SDK1: variants seen among roughly 807,000 people sequenced by gnomAD.
The protein encoded by SDK1 is protein sidekick-1.
SDK1 carries 157 observed loss-of-function variants against 245.5 expected under a neutral mutation model. That is an observed-to-expected ratio of 0.64 (90% CI 0.56 to 0.73). The LOEUF (loss-of-function observed/expected upper bound fraction) is 0.73. SDK1 is among the 30% of genes least tolerant of loss of function. The pLI is 0.00. For synonymous variants in SDK1, 1,647 were observed against 1,278.5 expected, an observed-to-expected ratio of 1.29 and a Z score of -6.15; for missense variants, 3,583 against 3,002.3, an observed-to-expected ratio of 1.19 and a Z score of -4.52.
chr7:3,840,856 G>T (rs761082803), intron 5 of SDK1, among the ~76,000 whole-genome samples: 8 of 152,230 alleles, frequency 5.3e-5, no homozygotes, highest in Admixed American at 1.3e-4. Flanking sequence ...GGACCTCTGG[G>T]AGTGGGGTCC....
intron 1 of SDK1, among the ~76,000 whole-genome samples, chr7:3,341,601 C>G (rs1308778935): frequency 6.6e-6 from 1 of 152,146 alleles, no homozygotes; most frequent in East Asian, 1.9e-4. Context: ...AGGAGTTCAA[C>G]ATAGTTGCTG....
In SDK1 at chr7:3,582,683, T is replaced by TAAAAAAAAAAA. The variant is rs71029682; in HGVS notation, c.299-36381_299-36371dup. ...ATGTAGCCCTGAACCTAAACTAAAG[T>TAAAAAAAAAAA]AAAAAAAAAAAAAAAAAAAAAAAAA... On this transcript the variant is annotated intron_variant, in intron 1 of 44. Coordinates refer to ENST00000404826, the MANE Select transcript of SDK1 (RefSeq NM_152744.4). Among the ~76,000 whole-genome samples the TAAAAAAAAAAA allele has an allele frequency of 5.6e-4, 39 of 69,684 alleles. 1 individual carries two copies. Among genetic ancestry groups the TAAAAAAAAAAA allele is most frequent in the African/African-American group, 2.1e-3 (37 of 17,702 alleles). 45.7% of individuals were successfully genotyped at this position (69,684 alleles called of 152,430 possible).
chr7:3,847,002 C>T (rs1032225369), intron 5 of SDK1, among the ~76,000 whole-genome samples: 2 of 152,116 alleles, frequency 1.3e-5, no homozygotes, highest in African/African-American at 4.8e-5. Context: ...AGTGCCACCC[C>T]AGTGTTCTCA....
intron 44 of SDK1, among the ~76,000 whole-genome samples, chr7:4,248,286 ACG>A (rs1207362110): frequency 6.6e-6 from 1 of 152,070 alleles, no homozygotes; most frequent in East Asian, 1.9e-4. Context: ...ATACACACAC[ACG>A]CACACATATC....
chr7:4,230,031 G>A (rs1470506557), intron 40 of SDK1, among the ~76,000 whole-genome samples: 5 of 117,102 alleles, frequency 4.3e-5, no homozygotes, highest in South Asian at 3.5e-4. Context: ...ATGGAAGGAG[G>A]GGGACCCAGA....
chr7:3,909,858 TACAACAGG>T, intron 5 of SDK1, among the ~76,000 whole-genome samples: 1 of 152,262 alleles, frequency 6.6e-6, no homozygotes, highest in Admixed American at 6.5e-5. Flanking sequence ...AAAAGTTAAA[TACAACAGG>T]ATGGAAATGC....
At chr7:3,322,476 C>T (rs565190332) in intron 1 of SDK1, among the ~76,000 whole-genome samples, 1 of 152,206 alleles carries the variant, frequency 6.6e-6, no homozygotes, top group African/African-American at 2.4e-5. Context: ...GTTTTCTCTT[C>T]TTTTTGGTAT....
intron 5 of SDK1, among the ~76,000 whole-genome samples, chr7:3,924,285 G>A (rs544503253): frequency 5.3e-5 from 8 of 152,248 alleles, no homozygotes; most frequent in Admixed American, 3.9e-4. Context: ...GGATGGCTCA[G>A]TTCATTCAGT....
chr7:3,861,904 A>G (rs528209206), intron 5 of SDK1, among the ~76,000 whole-genome samples: 5 of 152,328 alleles, frequency 3.3e-5, no homozygotes, highest in East Asian at 1.9e-4. Flanking sequence ...GTGGTAAACA[A>G]TGCCAGGAGC....
intron 1 of SDK1, among the ~76,000 whole-genome samples, chr7:3,451,050 G>A (rs896296876): frequency 1.3e-5 from 2 of 152,142 alleles, no homozygotes; most frequent in Non-Finnish European, 2.9e-5. Context: ...GTCATCAGTG[G>A]CTCAGGCAAG....
intron 4 of SDK1, among the ~76,000 whole-genome samples, chr7:3,642,460 T>C (rs1054883768): frequency 6.6e-6 from 1 of 152,200 alleles, no homozygotes; most frequent in Non-Finnish European, 1.5e-5. Context: ...TGAGTGCTGG[T>C]ATTTACTTAC....
At chr7:4,201,880 G>T (rs952228907) in intron 35 of SDK1, among the ~76,000 whole-genome samples, 1 of 152,224 alleles carries the variant, frequency 6.6e-6, no homozygotes, top group Non-Finnish European at 1.5e-5. Flanking sequence ...GCACAGGGTG[G>T]TTCTGGCAAG....
At chr7:3,790,950 C>T (rs1354562600) in intron 4 of SDK1, among the ~76,000 whole-genome samples, 1 of 152,006 alleles carries the variant, frequency 6.6e-6, no homozygotes, top group Non-Finnish European at 1.5e-5. Flanking sequence ...GGTAGCCACC[C>T]TGCTTGGTTT....
At chr7:4,138,952 G>A (rs556603688) in intron 28 of SDK1, among the ~76,000 whole-genome samples, 116 of 152,316 alleles carry the variant, frequency 7.6e-4, no homozygotes, top group Middle Eastern at 6.8e-3. Flanking sequence ...GTGGCTGCCG[G>A]AGCCTGCTAG....
chr7:4,049,009 A>G (rs536541955), intron 17 of SDK1, among the ~76,000 whole-genome samples: 56 of 152,236 alleles, frequency 3.7e-4, no homozygotes, highest in African/African-American at 1.3e-3. Flanking sequence ...CCTTGCCTTG[A>G]TCTCAAATAT....
chr7:4,122,374 A>G (rs1784122452), intron 25 of SDK1, among the ~76,000 whole-genome samples: 1 of 152,076 alleles, frequency 6.6e-6, no homozygotes, highest in South Asian at 2.1e-4. Context: ...TGGTGAGTGG[A>G]CCTGATGGAG....
At chr7:3,939,691 A>G (rs1583592952) in intron 5 of SDK1, among the ~76,000 whole-genome samples, 1 of 152,230 alleles carries the variant, frequency 6.6e-6, no homozygotes, top group East Asian at 1.9e-4. Context: ...GTGTATGTAT[A>G]TCTGAGTCTC....
intron 19 of SDK1, among the ~76,000 whole-genome samples, chr7:4,066,239 G>C (rs977648393): frequency 6.6e-6 from 1 of 152,090 alleles, no homozygotes; most frequent in African/African-American, 2.4e-5. Context: ...CGGGTATCTG[G>C]AGGGGTAGGC....
At chr7:3,380,673 A>C (rs1347744738) in intron 1 of SDK1, among the ~76,000 whole-genome samples, 5 of 152,192 alleles carry the variant, frequency 3.3e-5, no homozygotes, top group Non-Finnish European at 7.4e-5. Flanking sequence ...CTATGTCATT[A>C]AGGAGACTGA....
Sources: gnomAD v4.1 joint callset for allele counts (sites outside exome capture counted in the v4.1 genomes callset) on GRCh38, gnomAD v4.1.1 for gene constraint, MANE v1.5 for transcripts, NCBI Gene and HGNC (gene_info 2026-07-23, HGNC 2026-07-21) for gene names.